The following IL34 variants were observed in gnomAD, a reference collection of about 807,000 sequenced individuals.
IL34 encodes interleukin 34.
Under a neutral mutation model 25.3 loss-of-function variants are expected in IL34, and 17 were observed. That is an observed-to-expected ratio of 0.67 (90% CI 0.46 to 1.01). The LOEUF (loss-of-function observed/expected upper bound fraction) is 1.01. Ranked by LOEUF, IL34 falls within the 50% of genes least tolerant of loss-of-function variation. IL34 has a pLI of 0.00. For missense variants in IL34, 368 were observed against 312.9 expected, an observed-to-expected ratio of 1.18 and a Z score of -1.33; for synonymous variants, 174 against 140.9, an observed-to-expected ratio of 1.23 and a Z score of -1.66.
chr16:70,623,375 T>G (rs1391802853), intron 1 of IL34, among the ~76,000 whole-genome samples: 1 of 152,046 alleles, frequency 6.6e-6, no homozygotes. Flanking sequence ...ACAATTTGGT[T>G]GATAAGGCAC....
chr16:70,656,858 C>T (rs2151884054), intron 3 of IL34, 102 bp from the exon 4 acceptor site: 8 of 1,322,590 alleles, frequency 6.0e-6, no homozygotes, highest in South Asian at 1.3e-5. Context: ...CAGCGGACGG[C>T]CCGCGTCTGC....
intron 1 of IL34, among the ~76,000 whole-genome samples, chr16:70,625,560 C>T (rs964856584): frequency 6.6e-6 from 1 of 152,082 alleles, no homozygotes; most frequent in Non-Finnish European, 1.5e-5. Context: ...GCGGGACTTG[C>T]TGCTAAGGGT....
At chr16:70,651,290 G>A (rs187416971) in intron 1 of IL34, among the ~76,000 whole-genome samples, 18 of 152,244 alleles carry the variant, frequency 1.2e-4, no homozygotes, top group Non-Finnish European at 2.5e-4. Context: ...ATCTTGACCT[G>A]CAAGAGTAGA....
At chr16:70,617,195 T>G (rs192385837) in intron 1 of IL34, among the ~76,000 whole-genome samples, 3 of 152,042 alleles carry the variant, frequency 2.0e-5, no homozygotes, top group African/African-American at 7.2e-5. Context: ...AAAAACTAAA[T>G]GGAATAAGAG....
upstream of IL34, among the ~76,000 whole-genome samples, chr16:70,644,931 GAGGAA>G (rs201053188): frequency 0.3 from 24,295 of 81,210 alleles, 3,142 homozygotes; most frequent in African/African-American, 0.45. Flanking sequence ...GAGGAGGAAG[GAGGAA>G]GAGGAGGAAG....
intron 1 of IL34, among the ~76,000 whole-genome samples, chr16:70,620,007 A>G (rs1229352843): frequency 6.6e-6 from 1 of 151,754 alleles, no homozygotes; most frequent in African/African-American, 2.4e-5. Context: ...TGTGCTGGAG[A>G]TGTGGCTGGG....
At chr16:70,601,189 G>T (rs1285540239) in intron 1 of IL34, among the ~76,000 whole-genome samples, 3 of 152,110 alleles carry the variant, frequency 2.0e-5, no homozygotes, top group Non-Finnish European at 4.4e-5. Flanking sequence ...ACTCTGCATG[G>T]ATTCAGCATT....
intron 1 of IL34, among the ~76,000 whole-genome samples, chr16:70,581,016 A>T (rs1008496393): frequency 2.0e-5 from 3 of 150,144 alleles, no homozygotes; most frequent in African/African-American, 7.4e-5. Context: ...GGTTCAAGCG[A>T]TTCTCCTGCC....
In IL34 at chr16:70,654,691, C is replaced by T. The variant is rs755573823; in HGVS notation, c.162+20C>T. The T allele has an allele frequency of 1.1e-4, 178 of 1,587,612 alleles. No individual in the cohort carries two copies. The highest frequency in any genetic ancestry group is 1.7e-4 in the Middle Eastern group (1 of 5,984). On this transcript the variant is annotated intron_variant, in intron 2 of 5. Transcript: ENST00000288098. ...TACATGGTAACCACGTGGGCACCAG[C>T]TGTGTCCCTGTCCCCGCGTCCCGGG...
chr16:70,660,293 A>C lies in IL34; in HGVS notation c.*106A>C. On this transcript the variant is annotated 3_prime_UTR_variant, in exon 6 of 6. Coordinates refer to ENST00000288098, the MANE Select transcript of IL34 (RefSeq NM_001393494.1). Reference sequence around the variant, plus strand: ...TGGTGGTGGGAGCCCCCCTTGGGAGAGGACCCCTGGGAAGGGTGTTTTTCC... The same window carrying C: ...TGGTGGTGGGAGCCCCCCTTGGGAGCGGACCCCTGGGAAGGGTGTTTTTCC... 9.3e-7 allele frequency: 1 copy of C among 1,071,386 alleles called. No homozygotes were observed. Among genetic ancestry groups the C allele is most frequent in the Non-Finnish European group, 1.3e-6 (1 of 768,818 alleles). 66.4% of individuals were successfully genotyped at this position (1,071,386 alleles called of 1,614,324 possible). A position where few individuals can be genotyped will look rare whatever the true frequency, so the allele number is the denominator to read the frequency against.
intron 1 of IL34, among the ~76,000 whole-genome samples, chr16:70,619,224 G>A (rs1027326395): frequency 4.9e-4 from 74 of 152,156 alleles, no homozygotes; most frequent in African/African-American, 1.7e-3. Context: ...TTGGCGTTGA[G>A]TGGGGTAAGG....
At chr16:70,656,889 C>T in intron 3 of IL34, 71 bp from the exon 4 acceptor site, 1 of 1,514,034 alleles carries the variant, frequency 6.6e-7, no homozygotes, top group Non-Finnish European at 9.0e-7. Context: ...GGGGCAAGTC[C>T]CTGGTGAGGG....
rs1269447726 is a variant in IL34, at chr16:70,646,989, G to C, written c.28+14G>C. 1 of 1,451,444 alleles carries C rather than the reference G, an allele frequency of 6.9e-7. No homozygotes were observed. The highest frequency in any genetic ancestry group is 1.5e-5 in the African/African-American group (1 of 66,208). The allele number at this position is 1,451,444 out of a possible 1,614,324, so 89.9% of individuals were successfully genotyped here. The stretch of plus-strand genomic sequence containing the variant: ...CCTGGCTGCGCTGTGAGTACTGGGG[G>C]GTCCCTAGGGACCTGCATTGGGAGG... On this transcript the variant is annotated intron_variant, in intron 1 of 5. Transcript: ENST00000288098.
intron 1 of IL34, among the ~76,000 whole-genome samples, chr16:70,626,299 G>A (rs1041156688): frequency 6.6e-6 from 1 of 152,076 alleles, no homozygotes; most frequent in African/African-American, 2.4e-5. Flanking sequence ...TTTCTATGGA[G>A]TCAAATTTAT....
chr16:70,627,482 TTTTC>T (rs2051422266), intron 1 of IL34, among the ~76,000 whole-genome samples: 1 of 138,158 alleles, frequency 7.2e-6, no homozygotes, highest in Non-Finnish European at 1.6e-5. Context: ...CCCCTCTTCT[TTTTC>T]TTTCTCTTTC....
At chr16:70,589,176 A>G (rs2050725361) in intron 1 of IL34, among the ~76,000 whole-genome samples, 1 of 152,120 alleles carries the variant, frequency 6.6e-6, no homozygotes, top group Non-Finnish European at 1.5e-5. Context: ...CAGTCTGGGG[A>G]ACATAGTGAG....
intron 1 of IL34, among the ~76,000 whole-genome samples, chr16:70,620,702 G>C (rs1203411555): frequency 6.8e-6 from 1 of 146,976 alleles, no homozygotes; most frequent in Non-Finnish European, 1.5e-5. Context: ...GACCTTCTGC[G>C]TATTTTACAA....
At chr16:70,603,995 T>C (rs1393408747) in intron 1 of IL34, among the ~76,000 whole-genome samples, 1 of 152,222 alleles carries the variant, frequency 6.6e-6, no homozygotes, top group Non-Finnish European at 1.5e-5. Flanking sequence ...CTGCCTGCAT[T>C]AATTGCTTTA....
intron 1 of IL34, among the ~76,000 whole-genome samples, chr16:70,650,948 C>T (rs905853762): frequency 1.3e-5 from 2 of 152,234 alleles, no homozygotes; most frequent in African/African-American, 2.4e-5. Context: ...CACAGGCTCA[C>T]GCCTGTAATC....
Sources: allele counts gnomAD v4.1 joint callset (sites outside exome capture counted in the v4.1 genomes callset), GRCh38; gene constraint gnomAD v4.1.1; transcripts MANE v1.5; gene names NCBI Gene and HGNC (gene_info 2026-07-23, HGNC 2026-07-21).